The following PLCG2 variants were observed in gnomAD, a reference collection of about 807,000 sequenced individuals.
PLCG2 encodes 1-phosphatidylinositol 4,5-bisphosphate phosphodiesterase gamma-2.
Under a neutral mutation model 175.6 loss-of-function variants are expected in PLCG2, and 69 were observed. That is an observed-to-expected ratio of 0.39 (90% confidence interval 0.32 to 0.48). The LOEUF (loss-of-function observed/expected upper bound fraction) is 0.48, where lower values mean the gene tolerates loss of function less well. Among genes scored for constraint, PLCG2 ranks in the 20% least tolerant of loss-of-function variants. PLCG2 has a pLI of 0.91. For missense variants in PLCG2, 1,798 were observed against 1,650.9 expected (o/e 1.09, Z -1.54); for synonymous variants, 827 against 624.0 (o/e 1.33, Z -4.85).
At chr16:81,886,826 G>A (rs1687495652) in intron 9 of PLCG2, among the ~76,000 whole-genome samples, 1 of 152,194 alleles carries the variant, frequency 6.6e-6, no homozygotes, top group East Asian at 1.9e-4. Context: ...TAGAGTCAGT[G>A]CTCAGTGTTG....
chr16:81,901,097 C>T (rs1909131634), intron 14 of PLCG2, among the ~76,000 whole-genome samples: 1 of 152,228 alleles, frequency 6.6e-6, no homozygotes, highest in Middle Eastern at 3.2e-3. Flanking sequence ...ACGTTAAGTG[C>T]TAACCTGTTA....
At chr16:81,951,329 T>G (rs1193462365) in intron 31 of PLCG2, among the ~76,000 whole-genome samples, 1 of 152,020 alleles carries the variant, frequency 6.6e-6, no homozygotes, top group Non-Finnish European at 1.5e-5. Context: ...CATGTAAGAG[T>G]AAATACTGGA....
intron 20 of PLCG2, 39 bp from the exon 21 acceptor site, chr16:81,921,159 C>G: frequency 8.0e-7 from 1 of 1,247,942 alleles, no homozygotes; most frequent in Middle Eastern, 1.9e-4. Flanking sequence ...ATTCCAGGAG[C>G]ATGGATTATT....
intron 2 of PLCG2, among the ~76,000 whole-genome samples, chr16:81,787,751 C>T (rs996289025): frequency 2.6e-5 from 4 of 152,046 alleles, no homozygotes; most frequent in African/African-American, 7.3e-5. Flanking sequence ...CCCTACCAGA[C>T]GTAAGCAACC....
intron 2 of PLCG2, among the ~76,000 whole-genome samples, chr16:81,787,720 A>G (rs1011156469): frequency 1.3e-5 from 2 of 151,966 alleles, no homozygotes; most frequent in African/African-American, 4.8e-5. Context: ...ACCTTTCACC[A>G]TCACCCCATC....
upstream of PLCG2, chr16:81,779,167 C>T (rs146913733): frequency 6.6e-6 from 1 of 152,172 alleles, no homozygotes; most frequent in South Asian, 2.0e-4. Context: ...GGACGCTGCA[C>T]TCGGGGTGCG....
chr16:81,799,987 G>A lies in PLCG2; in HGVS notation c.193+13805G>A, dbSNP rs115066116. ...CAAGGGATCCAGGGTCTGACTGCCT[G>A]GGTTCAGATCTTGGCTATGCCACTT... is the stretch of plus-strand genomic sequence containing the variant. On this transcript the variant is annotated intron_variant, in intron 2 of 32. Transcript: ENST00000564138. Among the ~76,000 whole-genome samples the A allele has an allele frequency of 3.1e-3, 475 of 152,278 alleles. 2 individuals are homozygous for A. The highest frequency in any genetic ancestry group is 0.011 in the African/African-American group (467 of 41,538).
intron 31 of PLCG2, among the ~76,000 whole-genome samples, chr16:81,948,797 A>G (rs1049639685): frequency 1.3e-5 from 2 of 152,148 alleles, no homozygotes; most frequent in African/African-American, 4.8e-5. Flanking sequence ...AACATCCATG[A>G]CCCAAGAGTG....
intron 7 of PLCG2, among the ~76,000 whole-genome samples, chr16:81,877,404 G>A (rs1361452476): frequency 1.3e-5 from 2 of 152,170 alleles, no homozygotes; most frequent in Admixed American, 6.5e-5. Flanking sequence ...ACAGTGAGCC[G>A]AGATTGCGCC....
intron 31 of PLCG2, among the ~76,000 whole-genome samples, chr16:81,950,222 G>C (rs1257068979): frequency 8.5e-5 from 13 of 152,126 alleles, no homozygotes; most frequent in Non-Finnish European, 1.9e-4. Flanking sequence ...AGGCCTAAAG[G>C]CAAGGTAAAT....
Position 81,880,930 on chromosome 16 carries a change from G to A in PLCG2, c.669G>A (p.Lys223=), listed in dbSNP as rs746780297. ...TTCAGATTCTCGATGAATTCAAAAA[G>A]GATTCGTCCGTGTTCATCCTGGGGT... ...QQKSILDEFK[K]DSSVFILGNT... Residue 223 remains lysine (K), a synonymous_variant, in exon 8 of 33, where the codon AAG becomes AAA. Coordinates refer to ENST00000564138, the MANE Select transcript of PLCG2 (RefSeq NM_002661.5). 6.2e-7 allele frequency: 1 copy of A among 1,614,108 alleles called. No individual in the cohort carries two copies. The highest frequency in any genetic ancestry group is 1.7e-5 in the Admixed American group (1 of 60,018).
intron 2 of PLCG2, among the ~76,000 whole-genome samples, chr16:81,818,124 C>G (rs1025432503): frequency 3.3e-5 from 5 of 152,162 alleles, no homozygotes; most frequent in African/African-American, 1.2e-4. Flanking sequence ...TTACAGGGCT[C>G]TCGTGAGTAT....
intron 30 of PLCG2, among the ~76,000 whole-genome samples, chr16:81,943,617 A>C (rs1175278044): frequency 6.6e-6 from 1 of 152,326 alleles, no homozygotes; most frequent in East Asian, 1.9e-4. Context: ...GCAGAATCTC[A>C]GGCCTCACCC....
chr16:81,789,000 A>T (rs1911106736), intron 2 of PLCG2, among the ~76,000 whole-genome samples: 1 of 152,176 alleles, frequency 6.6e-6, no homozygotes, highest in Non-Finnish European at 1.5e-5. Context: ...CCCATCCCAA[A>T]CCTAGCTGCC....
At chr16:81,832,441 G>C (rs1447125400) in intron 2 of PLCG2, among the ~76,000 whole-genome samples, 1 of 152,220 alleles carries the variant, frequency 6.6e-6, no homozygotes, top group Non-Finnish European at 1.5e-5. Context: ...CCAGGTGGGA[G>C]CGCAGTGGCA....
At chr16:81,923,624 G>T in intron 22 of PLCG2, 30 bp downstream of exon 22, 1 of 1,368,838 alleles carries the variant, frequency 7.3e-7, no homozygotes, top group Non-Finnish European at 1.0e-6. Context: ...GGGCTGCTCG[G>T]CAGGTGGGCT....
Position 81,910,595 on chromosome 16 carries a change from C to T in PLCG2, c.1809C>T (p.Asp603=). 1 of 1,614,156 alleles carries T rather than the reference C, an allele frequency of 6.2e-7. No individual in the cohort carries two copies. Among genetic ancestry groups the T allele is most frequent in the South Asian group, 1.1e-5 (1 of 91,088 alleles). ...GGACCCTGAAATACTACTTGACTGA[C>T]AACCTCACCTTCAGCAGCATCTATG... ...EGGTLKYYLT[D]NLTFSSIYAL... Residue 603 remains aspartate, a synonymous_variant, in exon 18 of 33, where the codon GAC becomes GAT. Transcript: ENST00000564138.
At chr16:81,750,379 C>T (rs1487693359) in intron 1 of PLCG2, among the ~76,000 whole-genome samples, 11 of 144,888 alleles carry the variant, frequency 7.6e-5, no homozygotes, top group African/African-American at 2.3e-4. Flanking sequence ...GAGATCTCAC[C>T]ACTGCACTCC....
intron 2 of PLCG2, among the ~76,000 whole-genome samples, chr16:81,839,555 T>C (rs1423522095): frequency 2.6e-5 from 4 of 152,196 alleles, no homozygotes; most frequent in Admixed American, 1.3e-4. Flanking sequence ...ATCTAATACT[T>C]ATTTTAATAT....
Sources: allele counts gnomAD v4.1 joint callset (sites outside exome capture counted in the v4.1 genomes callset), GRCh38; gene constraint gnomAD v4.1.1; transcripts MANE v1.5; gene names NCBI Gene and HGNC (gene_info 2026-07-23, HGNC 2026-07-21).